Variants in TBC1D12 observed in about 807,000 individuals in gnomAD.
The protein encoded by TBC1D12 is TBC1 domain family member 12.
TBC1D12 carries 56 observed loss-of-function variants against 86.7 expected under a neutral mutation model. The observed-to-expected ratio is 0.65, with a 90% CI of 0.52 to 0.81. The LOEUF (loss-of-function observed/expected upper bound fraction) is 0.81, where lower values mean the gene tolerates loss of function less well. Among genes scored for constraint, TBC1D12 ranks in the 30% least tolerant of loss-of-function variants. The pLI is 0.00. For synonymous variants in TBC1D12, 421 were observed against 411.7 expected, an observed-to-expected ratio of 1.02 and a Z score of -0.27; for missense variants, 1,023 against 1,038.8, an observed-to-expected ratio of 0.98 and a Z score of 0.21.
At chr10:94,491,913 T>A (rs929756540) in intron 3 of TBC1D12, among the ~76,000 whole-genome samples, 9 of 108,394 alleles carry the variant, frequency 8.3e-5, no homozygotes, top group African/African-American at 2.5e-4. Flanking sequence ...CTCAAATTAA[T>A]AAGAAAAAAA....
At chr10:94,466,802 G>T (rs1042494178) in intron 2 of TBC1D12, among the ~76,000 whole-genome samples, 1 of 152,044 alleles carries the variant, frequency 6.6e-6, no homozygotes, top group Non-Finnish European at 1.5e-5. Context: ...ACTTCACTTG[G>T]ATTTCACCAA....
At chr10:94,404,576 G>T (rs1176761653) in intron 1 of TBC1D12, among the ~76,000 whole-genome samples, 2 of 151,654 alleles carry the variant, frequency 1.3e-5, no homozygotes, top group Non-Finnish European at 2.9e-5. Flanking sequence ...AACCTGGGAG[G>T]TAGAGGTTGC....
chr10:94,496,058 G>A (rs1055882527), intron 4 of TBC1D12, among the ~76,000 whole-genome samples: 3 of 151,912 alleles, frequency 2.0e-5, no homozygotes, highest in Admixed American at 6.6e-5. Flanking sequence ...AGCAGAGATC[G>A]CACCACTGCA....
chr10:94,462,528 G>T, intron 2 of TBC1D12, among the ~76,000 whole-genome samples: 1 of 152,120 alleles, frequency 6.6e-6, no homozygotes, highest in Non-Finnish European at 1.5e-5. Context: ...GTGAAGTGTG[G>T]AAGTTTTTTG....
Position 94,403,270 on chromosome 10 carries a change from G to C in TBC1D12, c.657G>C (p.Ser219=), listed in dbSNP as rs1377990246. ...AQEPEGAGSD[S]GDSPASSCSS... Reference sequence around the variant, plus strand: ...AGCCCGAGGGCGCGGGCAGCGACTCGGGGGACAGCCCCGCCAGCAGCTGCA... The same window carrying C: ...AGCCCGAGGGCGCGGGCAGCGACTCCGGGGACAGCCCCGCCAGCAGCTGCA... The change falls in exon 1 of 13, where the codon TCG becomes TCC. Residue 219 remains serine (S), a synonymous_variant. Coordinates refer to ENST00000225235, the MANE Select transcript of TBC1D12 (RefSeq NM_015188.2). 2.7e-6 allele frequency: 4 copies of C among 1,502,858 alleles called. No homozygotes were observed. The highest frequency in any genetic ancestry group is 3.5e-6 in the Non-Finnish European group (4 of 1,127,854). 93.1% of individuals were successfully genotyped at this position (1,502,858 alleles called of 1,614,324 possible).
At position 94,493,444 on chromosome 10, in the gene TBC1D12, C is replaced by A. The variant is rs572599039; in HGVS notation, c.1291C>A (p.Arg431=). The A allele has an allele frequency of 2.5e-6, 4 of 1,608,660 alleles. No homozygotes were observed. Among genetic ancestry groups the A allele is most frequent in the Non-Finnish European group, 2.5e-6 (3 of 1,177,388 alleles). The change falls in exon 4 of 13, where the codon CGA becomes AGA. Residue 431 remains arginine, a synonymous_variant. Transcript: ENST00000225235. ...TGAGATGGTGGCTGAGGCTAAAAAACGAGGTATAAAATTTAACTCCAAATG... is the reference window on the plus strand; with the variant it reads ...TGAGATGGTGGCTGAGGCTAAAAAAAGAGGTATAAAATTTAACTCCAAATG... ...YDEMVAEAKK[R]EIKEAHKRKR...
rs190530935 is a variant in TBC1D12 at position 94,503,034 on chromosome 10, A to G, written c.1519+2707A>G. 2.6e-5 allele frequency among the ~76,000 whole-genome samples: 4 copies of G among 152,242 alleles called. No homozygotes were observed. In the South Asian group the frequency reaches 6.2e-4, roughly 24 times the overall value. On this transcript the variant is annotated intron_variant, in intron 6 of 12. Coordinates refer to ENST00000225235, the MANE Select transcript of TBC1D12 (RefSeq NM_015188.2). ...TTTCTTTTTTATTTTTTCACCCACA[A>G]TTTATGCCATAAGGTTATTCTGTGG...
At chr10:94,452,832 T>A (rs924200170) in intron 2 of TBC1D12, among the ~76,000 whole-genome samples, 6 of 152,196 alleles carry the variant, frequency 3.9e-5, no homozygotes, top group African/African-American at 1.4e-4. Flanking sequence ...CATAAGAATA[T>A]GTTTAGTTTT....
chr10:94,508,962 G>A, intron 7 of TBC1D12: 1 of 152,132 alleles, frequency 6.6e-6, no homozygotes, highest in East Asian at 1.9e-4. Flanking sequence ...TTCCCCTGCA[G>A]AGTAAGCTGC....
rs1211382839 is a variant in TBC1D12 at position 94,403,494 on chromosome 10, C to T, written c.881C>T (p.Pro294Leu). The T allele has an allele frequency of 4.5e-6, 7 of 1,545,018 alleles. No homozygotes were observed. The African/African-American group carries it at 8.5e-5, about 19-fold the overall frequency. Residue 294 changes from proline to leucine, a missense_variant, in exon 1 of 13, where the codon CCG (proline) becomes CTG (leucine). By Grantham distance (98) the Pro-to-Leu change is moderately conservative. Transcript: ENST00000225235. ...SARDHLPPAG[P>L]PVPLPAAEQG... is the part of the protein sequence containing the mutation. ...CGCGATCACCTGCCCCCGGCGGGGC[C>T]GCCGGTGCCCTTGCCCGCCGCGGAG...
chr10:94,477,727 T>C (rs2056013159), intron 3 of TBC1D12, among the ~76,000 whole-genome samples: 1 of 152,272 alleles, frequency 6.6e-6, no homozygotes, highest in East Asian at 1.9e-4. Flanking sequence ...ACTTCGACTA[T>C]GAGGTGGCAT....
At chr10:94,416,958 ATG>A (rs2055007375) in intron 1 of TBC1D12, among the ~76,000 whole-genome samples, 1 of 152,204 alleles carries the variant, frequency 6.6e-6, no homozygotes, top group African/African-American at 2.4e-5. Context: ...TGCATGAGGT[ATG>A]TGTCAAAAAC....
intron 12 of TBC1D12, among the ~76,000 whole-genome samples, chr10:94,531,677 ATTT>A (rs1564996541): frequency 6.9e-6 from 1 of 144,100 alleles, no homozygotes; most frequent in African/African-American, 2.6e-5. Flanking sequence ...ATTTTATTTT[ATTT>A]TATTTTATGT....
In TBC1D12 at chr10:94,474,333, G is replaced by A. The variant is rs551151641; in HGVS notation, c.1096-335G>A. ...ATATTTATAGTTTAGGTTGCTTCAG[G>A]AAAACAAAAAAAAAAACAACTTTTT... On this transcript the variant is annotated intron_variant, in intron 2 of 12. Transcript: ENST00000225235. Among the ~76,000 whole-genome samples, 22 of 5,840 alleles carry A rather than the reference G, an allele frequency of 3.8e-3. 1 individual carries two copies. In the South Asian group the frequency reaches 0.11, roughly 30 times the overall value. 3.8% of individuals were successfully genotyped at this position (5,840 alleles called of 152,430 possible).
chr10:94,455,262 T>C (rs1352820363), intron 2 of TBC1D12, among the ~76,000 whole-genome samples: 1 of 152,192 alleles, frequency 6.6e-6, no homozygotes, highest in African/African-American at 2.4e-5. Context: ...ATAGAATTCT[T>C]TTTATACATT....
intron 6 of TBC1D12, among the ~76,000 whole-genome samples, chr10:94,502,522 T>C (rs2056411538): frequency 6.6e-6 from 1 of 151,722 alleles, no homozygotes; most frequent in Admixed American, 6.6e-5. Flanking sequence ...CTGGGCAACA[T>C]AGCGAGACCC....
chr10:94,421,126 A>T (rs1216648191), intron 1 of TBC1D12, among the ~76,000 whole-genome samples: 1 of 152,086 alleles, frequency 6.6e-6, no homozygotes, highest in African/African-American at 2.4e-5. Context: ...GTACCCATTG[A>T]CCAATATTTC....
At chr10:94,435,238 G>C (rs1395257336) in intron 1 of TBC1D12, among the ~76,000 whole-genome samples, 2 of 152,204 alleles carry the variant, frequency 1.3e-5, no homozygotes, top group East Asian at 3.8e-4. Context: ...CTAATTGCTA[G>C]ATGGTAGGGT....
chr10:94,456,646 T>C (rs2055631205), intron 2 of TBC1D12, among the ~76,000 whole-genome samples: 2 of 152,226 alleles, frequency 1.3e-5, no homozygotes, highest in South Asian at 4.1e-4. Context: ...TCCTCTGCTG[T>C]TGTTGGATGC....
Sources: allele counts gnomAD v4.1 joint callset (sites outside exome capture counted in the v4.1 genomes callset), GRCh38; gene constraint gnomAD v4.1.1; transcripts MANE v1.5; gene names NCBI Gene and HGNC (gene_info 2026-07-23, HGNC 2026-07-21).